The following RP1L1 variants were observed in gnomAD, a reference collection of about 807,000 sequenced individuals.
RP1L1 encodes the protein retinitis pigmentosa 1-like 1 protein.
In RP1L1, 27 loss-of-function variants were observed where a neutral mutation model predicts 15.7. The ratio of observed to expected loss-of-function variants is 1.72; its 90% CI spans 1.27 to 2.38. The LOEUF (loss-of-function observed/expected upper bound fraction) is 2.38, where lower values mean the gene tolerates loss of function less well. Ranked by LOEUF, RP1L1 falls within the 30% of genes most tolerant of loss-of-function variation. RP1L1 has a pLI of 0.00. For synonymous variants in RP1L1, 1,813 were observed against 1,276.7 expected, an observed-to-expected ratio of 1.42 and a Z score of -8.96; for missense variants, 4,798 against 3,075.9, an observed-to-expected ratio of 1.56 and a Z score of -13.24.
At chr8:10,618,610 T>G (rs987786859) in intron 2 of RP1L1, among the ~76,000 whole-genome samples, 1 of 151,974 alleles carries the variant, frequency 6.6e-6, no homozygotes, top group Non-Finnish European at 1.5e-5. Flanking sequence ...GAGGATCACT[T>G]GAGCCCAGGA....
chr8:10,633,235 AGGTCAGGGATGG>A (rs1223013351), intron 1 of RP1L1, among the ~76,000 whole-genome samples: 1 of 152,200 alleles, frequency 6.6e-6, no homozygotes, highest in African/African-American at 2.4e-5. Context: ...AGCCGCAGCC[AGGTCAGGGATGG>A]GGAAGCAGAG....
intron 2 of RP1L1, among the ~76,000 whole-genome samples, chr8:10,620,810 G>A (rs1585977962): frequency 6.6e-6 from 1 of 152,334 alleles, no homozygotes; most frequent in East Asian, 1.9e-4. Flanking sequence ...TATTACCCAT[G>A]CAGCCCATTG....
At chr8:10,632,275 C>T (rs1385256593) in intron 1 of RP1L1, among the ~76,000 whole-genome samples, 2 of 152,208 alleles carry the variant, frequency 1.3e-5, no homozygotes, top group Non-Finnish European at 2.9e-5. Flanking sequence ...ACTCTGTGAT[C>T]CTAGAGTTGA....
At chr8:10,635,688 A>T (rs1248125442) in intron 1 of RP1L1, among the ~76,000 whole-genome samples, 1 of 152,200 alleles carries the variant, frequency 6.6e-6, no homozygotes. Context: ...AGAGCTATTG[A>T]TGGCCAAGAA....
rs757772383 is a variant in RP1L1 at position 10,607,731 on chromosome 8, C to A, written c.6367G>T (p.Gly2123Trp). 6.2e-7 allele frequency: 1 copy of A among 1,612,216 alleles called. No individual in the cohort carries two copies. The highest frequency in any genetic ancestry group is 1.7e-5 in the Admixed American group (1 of 59,938). The change falls in exon 4 of 4, where the codon GGG (glycine) becomes TGG (tryptophan). Residue 2123 changes from glycine (G) to tryptophan (W), a missense_variant. Transcript: ENST00000382483. ...AEGIEAPETE[G>W]EAQPESEGIE... Reference sequence around the variant, plus strand: ...CCTTCTGACTCTGGCTGGGCCTCCCCTTCAGTCTCTGGGGCCTCTATACCT... The same window carrying A: ...CCTTCTGACTCTGGCTGGGCCTCCCATTCAGTCTCTGGGGCCTCTATACCT...
At position 10,623,015 on chromosome 8, in the gene RP1L1, C is replaced by T. The variant is rs368569447; in HGVS notation, c.187G>A (p.Ala63Thr). 2.5e-5 allele frequency: 40 copies of T among 1,614,018 alleles called. No homozygotes were observed. Among genetic ancestry groups the T allele is most frequent in the East Asian group, 8.9e-5 (4 of 44,890 alleles). Residue 63 changes from alanine (A) to threonine (T), a missense_variant, in exon 2 of 4, where the codon GCC becomes ACC. Ala to Thr is a moderately conservative substitution (Grantham distance 58). Coordinates refer to ENST00000382483, the MANE Select transcript of RP1L1 (RefSeq NM_178857.6). ...CGCTGGGAGAGCTCGTCCATGAGGG[C>T]GCTGAAGGTCTTAAAGGCGCGCTGG... ...VHQRAFKTFS[A>T]LMDELSQRVP...
rs78920388 is a variant in RP1L1 at position 10,610,078 on chromosome 8, T to C, written c.4020A>G (p.Glu1340=). ...GLQEEGVQLE[E]TKETEGEGQQ... is the part of the protein sequence containing the mutation. ...GTCCTTCTCCTTCTGTTTCTTTAGTTTCCTCTAACTGCACCCCCTCTTCTT... is the reference window on the plus strand; with the variant it reads ...GTCCTTCTCCTTCTGTTTCTTTAGTCTCCTCTAACTGCACCCCCTCTTCTT... Residue 1340 remains glutamate, a synonymous_variant, in exon 4 of 4, where the codon GAA becomes GAG. Transcript: ENST00000382483. 45,479 of 1,034,872 alleles carry C rather than the reference T, an allele frequency of 0.044. 2,475 individuals are homozygous for C. The highest frequency in any genetic ancestry group is 0.18 in the Admixed American group (5,174 of 28,468). The allele number at this position is 1,034,872 out of a possible 1,614,324, so 64.1% of individuals were successfully genotyped here. A position where few individuals can be genotyped will look rare whatever the true frequency, so the allele number is the denominator to read the frequency against.
chr8:10,614,661 CAA>C lies in RP1L1; in HGVS notation c.752-1317_752-1316del, dbSNP rs772003815. On this transcript the variant is annotated intron_variant, in intron 3 of 3. Coordinates refer to ENST00000382483, the MANE Select transcript of RP1L1 (RefSeq NM_178857.6). ...GGGTGACAGGGTAAGATTCTGTCGT[CAA>C]AAAAAAAAAAAAAAAAGAAAAGAAA... Among the ~76,000 whole-genome samples, 597 of 75,580 alleles carry C rather than the reference CAA, an allele frequency of 7.9e-3. 1 individual carries two copies. The highest frequency in any genetic ancestry group is 0.03 in the African/African-American group (537 of 17,784). The allele number at this position is 75,580 out of a possible 152,430, so 49.6% of individuals were successfully genotyped here.
chr8:10,631,904 C>T (rs917729471), intron 1 of RP1L1, among the ~76,000 whole-genome samples: 1 of 152,242 alleles, frequency 6.6e-6, no homozygotes, highest in African/African-American at 2.4e-5. Flanking sequence ...GATTTGGAGT[C>T]AGGCCATGGA....
chr8:10,630,213 T>G (rs1798220489), intron 1 of RP1L1, among the ~76,000 whole-genome samples: 1 of 152,218 alleles, frequency 6.6e-6, no homozygotes, highest in Non-Finnish European at 1.5e-5. Context: ...GACCCCATCT[T>G]GCCATCTTCA....
At position 10,609,569 on chromosome 8, in the gene RP1L1, G is replaced by A. The variant is rs373409421; in HGVS notation, c.4529C>T (p.Ala1510Val). 4.6e-5 allele frequency: 73 copies of A among 1,603,418 alleles called. No homozygotes were observed. The highest frequency in any genetic ancestry group is 6.7e-5 in the East Asian group (3 of 44,810). ...CCAGATGGGGTCGCAGTCCAGAGCCGCGCTGCAGGCCACCGAAGAGCTCCT... is the reference window on the plus strand; with the variant it reads ...CCAGATGGGGTCGCAGTCCAGAGCCACGCTGCAGGCCACCGAAGAGCTCCT... ...AERSSSVACS[A>V]ALDCDPIWVS... is the part of the protein sequence containing the mutation. Residue 1510 changes from alanine (A) to valine (V), a missense_variant, in exon 4 of 4, where the codon GCG becomes GTG. Ala to Val is a moderately conservative substitution (Grantham distance 64). Coordinates refer to ENST00000382483, the MANE Select transcript of RP1L1 (RefSeq NM_178857.6).
rs755190750 is a variant in RP1L1 at position 10,607,860 on chromosome 8, G to T, written c.6238C>A (p.Pro2080Thr). 4 of 1,580,168 alleles carry T rather than the reference G, an allele frequency of 2.5e-6. No homozygotes were observed. The highest frequency in any genetic ancestry group is 4.8e-5 in the East Asian group (2 of 41,452). ...TGGGCATCTACATCTTCTGACTCTGGGTGGGCCTCCCCTTCTGCCTCCTGG... is the reference window on the plus strand; with the variant it reads ...TGGGCATCTACATCTTCTGACTCTGTGTGGGCCTCCCCTTCTGCCTCCTGG... The part of the protein sequence containing the change: ...EVQEAEGEAH[P>T]ESEDVDAQEA... The change falls in exon 4 of 4, where the codon CCA (proline) becomes ACA (threonine). Residue 2080 changes from proline (P) to threonine (T), a missense_variant. Pro to Thr is a conservative substitution (Grantham distance 38, BLOSUM62 -1). Transcript: ENST00000382483.
intron 1 of RP1L1, among the ~76,000 whole-genome samples, chr8:10,640,634 CAG>C (rs1163429992): frequency 2.0e-5 from 3 of 151,506 alleles, no homozygotes; most frequent in Admixed American, 6.6e-5. Flanking sequence ...GCCTAGGTGA[CAG>C]AGTGAGACTC....
chr8:10,606,748 G>T lies in RP1L1; in HGVS notation c.*147C>A. 1 of 1,326,464 alleles carries T rather than the reference G, an allele frequency of 7.5e-7. No individual in the cohort carries two copies. The highest frequency in any genetic ancestry group is 1.0e-6 in the Non-Finnish European group (1 of 973,252). The allele number at this position is 1,326,464 out of a possible 1,614,324, so 82.2% of individuals were successfully genotyped here. A position where few individuals can be genotyped will look rare whatever the true frequency, so the allele number is the denominator to read the frequency against. ...GACTTAAGAGTCCCAGGACAGCATGGCATGGGCTGTGTCCTTGGCAAGTCC... is the reference window on the plus strand; with the variant it reads ...GACTTAAGAGTCCCAGGACAGCATGTCATGGGCTGTGTCCTTGGCAAGTCC... On this transcript the variant is annotated 3_prime_UTR_variant, in exon 4 of 4. Coordinates refer to ENST00000382483, the MANE Select transcript of RP1L1 (RefSeq NM_178857.6).
At chr8:10,633,377 A>G (rs771132456) in intron 1 of RP1L1, among the ~76,000 whole-genome samples, 3 of 152,226 alleles carry the variant, frequency 2.0e-5, no homozygotes, top group Non-Finnish European at 4.4e-5. Flanking sequence ...CCAGACCCTT[A>G]GTTCAAAGGA....
At position 10,623,231 on chromosome 8, in the gene RP1L1, G is replaced by A. The variant is rs777341957; in HGVS notation, c.-19-11C>T. The A allele has an allele frequency of 2.0e-6, 3 of 1,520,614 alleles. No homozygotes were observed. The highest frequency in any genetic ancestry group is 8.8e-7 in the Non-Finnish European group (1 of 1,138,078). The allele number at this position is 1,520,614 out of a possible 1,614,324, so 94.2% of individuals were successfully genotyped here. On this transcript the variant is annotated splice_polypyrimidine_tract_variant and intron_variant, in intron 1 of 3. Transcript: ENST00000382483. ...TGGGGGCTCTGGCCGCTGTAACAGGGCAGAGGAAGAGGGGTCAGAGAGCAG... is the reference window on the plus strand; with the variant it reads ...TGGGGGCTCTGGCCGCTGTAACAGGACAGAGGAAGAGGGGTCAGAGAGCAG...
chr8:10,609,887 C>A lies in RP1L1; in HGVS notation c.4211G>T (p.Ser1404Ile), dbSNP rs1797797552. The change falls in exon 4 of 4, where the codon AGC (serine) becomes ATC (isoleucine). Residue 1404 changes from serine (S) to isoleucine (I), a missense_variant. Ser to Ile is a moderately radical substitution (Grantham distance 142). Transcript: ENST00000382483. ...LKEEGLPEEG[S>I]VHGQELSEAS... ...CTCTGACAATTCCTGCCCGTGGACGCTTCCTTCTTCTGGAAGTCCTTCCTC... is the reference window on the plus strand; with the variant it reads ...CTCTGACAATTCCTGCCCGTGGACGATTCCTTCTTCTGGAAGTCCTTCCTC... 1 of 1,595,452 alleles carries A rather than the reference C, an allele frequency of 6.3e-7. No homozygotes were observed. Among genetic ancestry groups the A allele is most frequent in the Admixed American group, 1.7e-5 (1 of 59,052 alleles).
At position 10,611,128 on chromosome 8, in the gene RP1L1, G is replaced by C; in HGVS notation, c.2970C>G (p.Pro990=). 1 of 1,612,888 alleles carries C rather than the reference G, an allele frequency of 6.2e-7. No homozygotes were observed. ...TGAAGGGLRG[P]EVDPGDDHSL... ...AATGGTCATCCCCAGGGTCCACCTC[G>C]GGGCCTCTCAGGCCACCCCCAGCTG... Residue 990 remains proline (P), a synonymous_variant, in exon 4 of 4, where the codon CCC becomes CCG. Coordinates refer to ENST00000382483, the MANE Select transcript of RP1L1 (RefSeq NM_178857.6).
At chr8:10,631,113 T>A (rs1301665726) in intron 1 of RP1L1, among the ~76,000 whole-genome samples, 1 of 152,078 alleles carries the variant, frequency 6.6e-6, no homozygotes, top group Non-Finnish European at 1.5e-5. Flanking sequence ...GGGCCTAACG[T>A]TGTGAAAGCG....
Sources: gnomAD v4.1 joint callset for allele counts (sites outside exome capture counted in the v4.1 genomes callset) on GRCh38, gnomAD v4.1.1 for gene constraint, MANE v1.5 for transcripts, NCBI Gene and HGNC (gene_info 2026-07-23, HGNC 2026-07-21) for gene names.